Variants in USP33 observed in about 807,000 individuals in gnomAD.
USP33 encodes ubiquitin carboxyl-terminal hydrolase 33.
USP33 carries 46 observed loss-of-function variants against 124.2 expected under a neutral mutation model. That is an observed-to-expected ratio of 0.37 (90% confidence interval 0.29 to 0.47). The LOEUF is 0.47. Among genes scored for constraint, USP33 ranks in the 20% least tolerant of loss-of-function variants. USP33 has a pLI of 0.99. For synonymous variants in USP33, 350 were observed against 352.3 expected (o/e 0.99, Z 0.07); for missense variants, 851 against 1,070.6 (o/e 0.79, Z 2.86).
chr1:77,759,206 G>A (rs984858788), intron 1 of USP33: 2 of 172,614 alleles, frequency 1.2e-5, no homozygotes, highest in Non-Finnish European at 2.4e-5. Flanking sequence ...AACGGGGCCG[G>A]CCCCCTCAAC....
chr1:77,713,390 G>A, intron 19 of USP33, 109 bp from the exon 20 acceptor site: 1 of 894,270 alleles, frequency 1.1e-6, no homozygotes, highest in Non-Finnish European at 1.7e-6. Flanking sequence ...AATCATCATT[G>A]TTTTTTTAAG....
chr1:77,734,536 T>C (rs760493599), intron 6 of USP33, 120 bp from the exon 7 acceptor site: 22 of 628,842 alleles, frequency 3.5e-5, no homozygotes, highest in Non-Finnish European at 5.7e-5. Context: ...TATAGCAACT[T>C]GAACAATTCA....
rs377621434 is a variant in USP33 at position 77,729,886 on chromosome 1, G to A, written c.691C>T (p.Pro231Ser). The A allele has an allele frequency of 2.5e-6, 4 of 1,613,698 alleles. No homozygotes were observed. The highest frequency in any genetic ancestry group is 3.4e-6 in the Non-Finnish European group (4 of 1,179,898). ...TGCTGAGAATACCCCCGAAATGTTGGATTTACAGTTTTAATTCCTTGAAAC... is the reference window on the plus strand; with the variant it reads ...TGCTGAGAATACCCCCGAAATGTTGAATTTACAGTTTTAATTCCTTGAAAC... ...TLFQGIKTVN[P>S]TFRGYSQQDA... Residue 231 changes from proline (P) to serine (S), a missense_variant, in exon 9 of 24, where the codon CCA (proline) becomes TCA (serine). Physicochemically the swap from Pro to Ser is moderately conservative, Grantham distance 74. Around this residue, in one of 4 missense-constraint regions of USP33, gnomAD observed 221 missense variants for 302.9 expected, o/e 0.73. Transcript: ENST00000370794.
At chr1:77,700,694 A>G (rs1306405367) in intron 22 of USP33, among the ~76,000 whole-genome samples, 1 of 150,920 alleles carries the variant, frequency 6.6e-6, no homozygotes, top group Non-Finnish European at 1.5e-5. Context: ...CACATATCAG[A>G]ATCTTTTTTT....
intron 4 of USP33, among the ~76,000 whole-genome samples, chr1:77,740,067 T>C (rs1056924747): frequency 6.6e-6 from 1 of 152,200 alleles, no homozygotes; most frequent in Non-Finnish European, 1.5e-5. Context: ...TGTAGAGGTA[T>C]CAATGTGCAT....
chr1:77,724,403 T>C (rs1454504293), intron 11 of USP33, among the ~76,000 whole-genome samples: 1 of 152,244 alleles, frequency 6.6e-6, no homozygotes, highest in Non-Finnish European at 1.5e-5. Flanking sequence ...TTAATTTTTT[T>C]CTTTAATGGA....
At chr1:77,705,926 T>C (rs1028373738) in intron 21 of USP33, among the ~76,000 whole-genome samples, 1 of 152,224 alleles carries the variant, frequency 6.6e-6, no homozygotes, top group Non-Finnish European at 1.5e-5. Context: ...GTCTTTTGTA[T>C]GTCTTACACT....
chr1:77,756,218 C>T (rs1285591068), intron 1 of USP33, among the ~76,000 whole-genome samples: 1 of 152,264 alleles, frequency 6.6e-6, no homozygotes, highest in East Asian at 1.9e-4. Flanking sequence ...ACTGAGACTA[C>T]AGGCTCAAGC....
intron 23 of USP33, 101 bp from the exon 24 acceptor site, chr1:77,697,575 G>T: frequency 7.4e-7 from 1 of 1,358,088 alleles, no homozygotes; most frequent in Non-Finnish European, 1.0e-6. Flanking sequence ...CGGGATAATT[G>T]AGAACTTCTG....
At position 77,696,456 on chromosome 1, in the gene USP33, A is replaced by G. The variant is rs1191869928; in HGVS notation, c.*861T>C. ...ATATCCTTGATACATTCAAAAAGAC[A>G]TTTTGTAAATTTTAATAAGCTAGTT... On this transcript the variant is annotated 3_prime_UTR_variant, in exon 24 of 24. Transcript: ENST00000370794. The G allele has an allele frequency of 2.0e-5, 3 of 152,654 alleles. No homozygotes were observed. The highest frequency in any genetic ancestry group is 4.4e-5 in the Non-Finnish European group (3 of 68,040). 9.5% of individuals were successfully genotyped at this position (152,654 alleles called of 1,614,324 possible).
chr1:77,721,823 T>C lies in USP33; in HGVS notation c.1657+8A>G. 1 of 1,601,158 alleles carries C rather than the reference T, an allele frequency of 6.2e-7. No individual in the cohort carries two copies. ...CAAAAATTTAGCCATAGATATTATA[T>C]TTCTTACCTTTTAGTTCATCTCTGG... On this transcript the variant is annotated splice_region_variant and intron_variant, in intron 14 of 23. Coordinates refer to ENST00000370794, the MANE Select transcript of USP33 (RefSeq NM_201624.3).
intron 12 of USP33, 173 bp from the exon 13 acceptor site, chr1:77,722,369 A>C (rs1426791254): frequency 3.3e-6 from 2 of 615,176 alleles, no homozygotes; most frequent in South Asian, 2.2e-5. Flanking sequence ...AAAAAAAAAA[A>C]CAAAAACAAA....
chr1:77,701,491 C>CG lies in USP33; in HGVS notation c.2407-21_2407-20insC. ...GTTAAGCTACAAGGGGGAAAAAAAA[C>CG]AGTCATCTAATATCTAAAACTTGCT... On this transcript the variant is annotated intron_variant, in intron 21 of 23. Transcript: ENST00000370794. 6.3e-7 allele frequency: 1 copy of CG among 1,578,568 alleles called. No individual in the cohort carries two copies. Among genetic ancestry groups the CG allele is most frequent in the Non-Finnish European group, 8.7e-7 (1 of 1,153,934 alleles).
intron 21 of USP33, among the ~76,000 whole-genome samples, chr1:77,704,236 C>A (rs894800994): frequency 2.6e-5 from 4 of 152,138 alleles, no homozygotes; most frequent in African/African-American, 9.7e-5. Context: ...AATGCTGTGG[C>A]AGTCTCTGAT....
Position 77,715,844 on chromosome 1 carries a change from C to T in USP33, c.1943G>A (p.Arg648Gln). The T allele has an allele frequency of 6.2e-7, 1 of 1,613,574 alleles. No individual in the cohort carries two copies. The highest frequency in any genetic ancestry group is 1.7e-5 in the Admixed American group (1 of 59,994). ...ATACCAGAGATTATTTAGATTGTTT[C>T]GGCAGTAGGCTATATAGTGTCCACC... ...ASSGHYIAYC[R>Q]NNLNNLWYEF... The change falls in exon 18 of 24, where the codon CGA (arginine) becomes CAA (glutamine). Residue 648 changes from arginine (R) to glutamine (Q), a missense_variant. Transcript: ENST00000370794.
chr1:77,729,369 T>TAAAAA (rs1167126986), intron 9 of USP33, among the ~76,000 whole-genome samples: 3 of 115,474 alleles, frequency 2.6e-5, no homozygotes, highest in Non-Finnish European at 5.5e-5. Flanking sequence ...TTATCTCTCT[T>TAAAAA]AAAAAAAAAA....
At chr1:77,720,966 T>C (rs1399065074) in intron 15 of USP33, among the ~76,000 whole-genome samples, 1 of 152,190 alleles carries the variant, frequency 6.6e-6, no homozygotes, top group Non-Finnish European at 1.5e-5. Context: ...AAATATACTC[T>C]CTCACATCTT....
chr1:77,720,380 T>A, intron 15 of USP33: 1 of 985,370 alleles, frequency 1.0e-6, no homozygotes, highest in Non-Finnish European at 1.2e-6. Flanking sequence ...CAAGCCAACT[T>A]CCTTTTCAGC....
chr1:77,729,804 T>C (rs1337073628), intron 9 of USP33, 56 bp downstream of exon 9: 1 of 1,561,388 alleles, frequency 6.4e-7, no homozygotes, highest in Non-Finnish European at 8.8e-7. Flanking sequence ...AAAAACATAA[T>C]GGCATTTTCC....
Sources: gnomAD v4.1 joint callset for allele counts (sites outside exome capture counted in the v4.1 genomes callset) on GRCh38, gnomAD v4.1.1 for gene constraint, gnomAD v4.1.1 regional missense constraint, MANE v1.5 for transcripts, NCBI Gene and HGNC (gene_info 2026-07-23, HGNC 2026-07-21) for gene names.